The following PAWR variants were observed in gnomAD, a reference collection of about 807,000 sequenced individuals.
PAWR encodes the protein PRKC apoptosis WT1 regulator protein.
A neutral mutation model predicts 32.0 loss-of-function variants in PAWR; 23 were observed. That is an observed-to-expected ratio of 0.72 (90% CI 0.52 to 1.02). The LOEUF is 1.02. Among genes scored for constraint, PAWR ranks in the 50% least tolerant of loss-of-function variants. The pLI is 0.00. For synonymous variants in PAWR, 226 were observed against 187.1 expected (o/e 1.21, Z -1.70); for missense variants, 457 against 437.7 (o/e 1.04, Z -0.39).
chr12:79,667,738 T>C (rs559334643), intron 2 of PAWR, among the ~76,000 whole-genome samples: 2 of 152,316 alleles, frequency 1.3e-5, no homozygotes, highest in South Asian at 4.1e-4. Flanking sequence ...AAATTCATAC[T>C]ATCTACAAAT....
chr12:79,611,043 G>C (rs1019489087), intron 4 of PAWR, among the ~76,000 whole-genome samples: 11 of 150,246 alleles, frequency 7.3e-5, no homozygotes, highest in African/African-American at 2.2e-4. Context: ...GAAAAATTAA[G>C]TATTTAATTC....
intron 2 of PAWR, among the ~76,000 whole-genome samples, chr12:79,639,833 C>CTTTTCT (rs1313531485): frequency 7.8e-6 from 1 of 127,506 alleles, no homozygotes; most frequent in African/African-American, 4.2e-5. Flanking sequence ...TTTCCTTTTC[C>CTTTTCT]ATTCCTATTC....
intron 2 of PAWR, among the ~76,000 whole-genome samples, chr12:79,666,618 T>A (rs769026073): frequency 1.3e-5 from 2 of 152,182 alleles, no homozygotes; most frequent in Non-Finnish European, 2.9e-5. Flanking sequence ...AGAAACAGGA[T>A]GTCTTCTTTT....
chr12:79,686,390 C>A (rs1373698672), intron 2 of PAWR, among the ~76,000 whole-genome samples: 1 of 152,156 alleles, frequency 6.6e-6, no homozygotes, highest in Admixed American at 6.5e-5. Context: ...GAGAGCACCT[C>A]GTGGGCAAGG....
At position 79,632,293 on chromosome 12, in the gene PAWR, AT is replaced by A. The variant is rs1566010797; in HGVS notation, c.517-11087del. On this transcript the variant is annotated intron_variant, in intron 2 of 6. Coordinates refer to ENST00000328827, the MANE Select transcript of PAWR (RefSeq NM_002583.4). Reference sequence around the variant, plus strand: ...CACTAGAGTCCAGAAATAGAAATATATACATATATATATACATACATATATA... The same window carrying A: ...CACTAGAGTCCAGAAATAGAAATATAACATATATATATACATACATATATA... 489 of 54,068 alleles carry A rather than the reference AT, an allele frequency of 9.0e-3. 27 individuals are homozygous for A. The African/African-American group carries it at 0.093, about 10-fold the overall frequency. The allele number at this position is 54,068 out of a possible 1,614,324, so 3.3% of individuals were successfully genotyped here. A position where few individuals can be genotyped will look rare whatever the true frequency, so the allele number is the denominator to read the frequency against.
intron 4 of PAWR, among the ~76,000 whole-genome samples, chr12:79,608,027 C>T (rs532326027): frequency 4.1e-5 from 6 of 144,892 alleles, no homozygotes; most frequent in East Asian, 4.0e-4. Flanking sequence ...CCAGCCTGGG[C>T]GACAAGAGCA....
chr12:79,668,324 A>T (rs1022378642), intron 2 of PAWR: 1 of 152,238 alleles, frequency 6.6e-6, no homozygotes, highest in African/African-American at 2.4e-5. Flanking sequence ...AAGCCACCTG[A>T]TGAAGTGCTG....
chr12:79,644,685 A>G (rs1169134748), intron 2 of PAWR, among the ~76,000 whole-genome samples: 4 of 152,312 alleles, frequency 2.6e-5, no homozygotes, highest in South Asian at 2.1e-4. Flanking sequence ...ATTTTCACAT[A>G]AAGTAAAACT....
At chr12:79,601,877 T>C (rs1482415531) in intron 4 of PAWR, among the ~76,000 whole-genome samples, 1 of 152,186 alleles carries the variant, frequency 6.6e-6, no homozygotes, top group Admixed American at 6.5e-5. Context: ...GAGAATTTTT[T>C]AAAAAGTTTC....
intron 2 of PAWR, among the ~76,000 whole-genome samples, chr12:79,648,920 T>C: frequency 6.6e-6 from 1 of 152,234 alleles, no homozygotes; most frequent in Admixed American, 6.5e-5. Context: ...GAGACTCTGC[T>C]ATTCATGCTT....
At chr12:79,595,617 C>G (rs8176906) in intron 5 of PAWR, among the ~76,000 whole-genome samples, 1,677 of 152,238 alleles carry the variant, frequency 0.011, 38 homozygotes, top group African/African-American at 0.038. Context: ...GAAGCCGAGG[C>G]GGGTGGATCA....
chr12:79,647,885 C>T (rs560994934), intron 2 of PAWR, among the ~76,000 whole-genome samples: 133 of 152,304 alleles, frequency 8.7e-4, no homozygotes, highest in South Asian at 5.0e-3. Flanking sequence ...TGCTATGGAA[C>T]ACAAGACAGG....
intron 2 of PAWR, among the ~76,000 whole-genome samples, chr12:79,676,062 A>C (rs1009595099): frequency 2.6e-5 from 4 of 152,114 alleles, no homozygotes; most frequent in Non-Finnish European, 4.4e-5. Flanking sequence ...GGCAAGTGCA[A>C]AGTTAGCAAC....
intron 2 of PAWR, among the ~76,000 whole-genome samples, chr12:79,655,980 A>G (rs919462575): frequency 6.6e-6 from 1 of 152,236 alleles, no homozygotes; most frequent in African/African-American, 2.4e-5. Flanking sequence ...CCGGAGTGAT[A>G]TCTAATAGAG....
At chr12:79,639,045 T>A (rs1019822655) in intron 2 of PAWR, among the ~76,000 whole-genome samples, 3 of 148,744 alleles carry the variant, frequency 2.0e-5, no homozygotes, top group African/African-American at 7.4e-5. Context: ...CCTGAGTAGC[T>A]GGGGTTACAG....
rs1873347994 is a variant in PAWR, at chr12:79,584,981, C to T, written c.*7626G>A. 17 of 257,392 alleles carry T rather than the reference C, an allele frequency of 6.6e-5. No homozygotes were observed. In the South Asian group the frequency reaches 6.8e-4, roughly 10 times the overall value. The allele number at this position is 257,392 out of a possible 1,614,324, so 15.9% of individuals were successfully genotyped here. A position where few individuals can be genotyped will look rare whatever the true frequency, so the allele number is the denominator to read the frequency against. ...TCTTCAGGCAATAACAGAGATAAAA[C>T]TTAACACAGACAAACAATGATTTTA... On this transcript the variant is annotated 3_prime_UTR_variant, in exon 7 of 7. Coordinates refer to ENST00000328827, the MANE Select transcript of PAWR (RefSeq NM_002583.4).
Position 79,689,888 on chromosome 12 carries a change from A to G in PAWR, c.357T>C (p.Ala119=). The G allele has an allele frequency of 6.5e-7, 1 of 1,531,586 alleles. No individual in the cohort carries two copies. Among genetic ancestry groups the G allele is most frequent in the Non-Finnish European group, 8.8e-7 (1 of 1,139,774 alleles). The allele number at this position is 1,531,586 out of a possible 1,614,324, so 94.9% of individuals were successfully genotyped here. A position where few individuals can be genotyped will look rare whatever the true frequency, so the allele number is the denominator to read the frequency against. Residue 119 remains alanine, a synonymous_variant, in exon 2 of 7, where the codon GCT becomes GCC. Transcript: ENST00000328827. ...EDEPPAASAS[A]APPPQRDEEE... ...CCTCGTCACGCTGGGGCGGCGGTGC[A>G]GCCGAGGCAGAGGCGGCTGGGGGCT...
At chr12:79,656,959 T>G (rs1397495480) in intron 2 of PAWR, among the ~76,000 whole-genome samples, 1 of 151,714 alleles carries the variant, frequency 6.6e-6, no homozygotes, top group Non-Finnish European at 1.5e-5. Flanking sequence ...TAGCTAGTTT[T>G]CAGGTCAGAG....
At chr12:79,613,259 A>G (rs1874522902) in intron 4 of PAWR, among the ~76,000 whole-genome samples, 1 of 152,208 alleles carries the variant, frequency 6.6e-6, no homozygotes, top group Non-Finnish European at 1.5e-5. Flanking sequence ...TGGCACTCTG[A>G]GCTAACTAAT....
Sources: allele counts gnomAD v4.1 joint callset (sites outside exome capture counted in the v4.1 genomes callset), GRCh38; gene constraint gnomAD v4.1.1; transcripts MANE v1.5; gene names NCBI Gene and HGNC (gene_info 2026-07-23, HGNC 2026-07-21).